TMED3: variants seen among roughly 807,000 people sequenced by gnomAD.
TMED3 encodes the protein transmembrane p24 trafficking protein 3.
In TMED3, 9 loss-of-function variants were observed where a neutral mutation model predicts 15.0. That is an observed-to-expected ratio of 0.60 (90% CI 0.36 to 1.04). TMED3 has a LOEUF of 1.04. Ranked by LOEUF, TMED3 falls within the 50% of genes least tolerant of loss-of-function variation. TMED3 has a pLI of 0.01. For synonymous variants in TMED3, 117 were observed against 121.4 expected (o/e 0.96, Z 0.24); for missense variants, 267 against 278.9 (o/e 0.96, Z 0.30).
chr15:79,324,690 C>G (rs1379797665), downstream of TMED3, among the ~76,000 whole-genome samples: 2 of 152,042 alleles, frequency 1.3e-5, no homozygotes, highest in Non-Finnish European at 2.9e-5. Flanking sequence ...TTCTCAAGTT[C>G]TTTTAGGGGA....
intron 2 of TMED3, among the ~76,000 whole-genome samples, chr15:79,359,659 T>C (rs1226581837): frequency 6.6e-6 from 1 of 152,056 alleles, no homozygotes; most frequent in Non-Finnish European, 1.5e-5. Context: ...TGGTATAGAA[T>C]TTGGGAGTTG....
intron 2 of TMED3, among the ~76,000 whole-genome samples, chr15:79,357,806 C>T (rs2058925476): frequency 6.6e-6 from 1 of 152,104 alleles, no homozygotes; most frequent in African/African-American, 2.4e-5. Flanking sequence ...GACTGAAAAA[C>T]TCACTTCCCT....
At chr15:79,372,643 C>G (rs1430385999) in intron 2 of TMED3, among the ~76,000 whole-genome samples, 1 of 152,178 alleles carries the variant, frequency 6.6e-6, no homozygotes, top group African/African-American at 2.4e-5. Context: ...GACTCATTCA[C>G]TATCAGCAGA....
At chr15:79,320,633 C>G (rs775213423) in intron 2 of TMED3, among the ~76,000 whole-genome samples, 102 of 152,120 alleles carry the variant, frequency 6.7e-4, no homozygotes, top group South Asian at 1.5e-3. Flanking sequence ...TGAGAACTCA[C>G]TGATAGGATA....
At chr15:79,411,181 T>C (rs1893973758) in intron 2 of TMED3, among the ~76,000 whole-genome samples, 1 of 152,288 alleles carries the variant, frequency 6.6e-6, no homozygotes, top group East Asian at 1.9e-4. Context: ...CCTGTTCAAT[T>C]TATCTTGTGG....
downstream of TMED3, among the ~76,000 whole-genome samples, chr15:79,325,116 A>T (rs966548299): frequency 1.3e-5 from 2 of 152,238 alleles, no homozygotes; most frequent in African/African-American, 4.8e-5. Context: ...GGGAAAAGAC[A>T]TAGGACCTCT....
intron 2 of TMED3, among the ~76,000 whole-genome samples, chr15:79,409,094 C>T (rs968815886): frequency 6.6e-6 from 1 of 152,166 alleles, no homozygotes; most frequent in Non-Finnish European, 1.5e-5. Context: ...AGCCTATAAC[C>T]TGCATTACTA....
intron 2 of TMED3, among the ~76,000 whole-genome samples, chr15:79,398,086 T>C (rs558312558): frequency 1.3e-5 from 2 of 152,334 alleles, no homozygotes; most frequent in South Asian, 2.1e-4. Flanking sequence ...TCCGTCATTA[T>C]AGTATCATAC....
chr15:79,393,369 GA>G (rs1204868212), intron 2 of TMED3, among the ~76,000 whole-genome samples: 3 of 152,178 alleles, frequency 2.0e-5, no homozygotes, highest in African/African-American at 7.2e-5. Context: ...TAAATGCCAG[GA>G]GAGGATACAG....
At chr15:79,319,907 G>C (rs2058757800) in intron 2 of TMED3, among the ~76,000 whole-genome samples, 1 of 152,192 alleles carries the variant, frequency 6.6e-6, no homozygotes, top group Non-Finnish European at 1.5e-5. Context: ...ACACAGGATG[G>C]AACATGAAAG....
chr15:79,351,262 A>G (rs1224695723), intron 2 of TMED3, among the ~76,000 whole-genome samples: 2 of 152,332 alleles, frequency 1.3e-5, no homozygotes, highest in South Asian at 2.1e-4. Flanking sequence ...AGGCTGTGCT[A>G]TGAGGATGTT....
chr15:79,342,011 G>A (rs112764042), intron 2 of TMED3, among the ~76,000 whole-genome samples: 6 of 152,122 alleles, frequency 3.9e-5, no homozygotes, highest in African/African-American at 1.4e-4. Flanking sequence ...AAATAAAAAT[G>A]ACACATAAAA....
intron 2 of TMED3, among the ~76,000 whole-genome samples, chr15:79,404,813 A>C (rs1213054960): frequency 3.3e-5 from 5 of 152,330 alleles, no homozygotes; most frequent in Middle Eastern, 3.4e-3. Flanking sequence ...GTCCCTCATG[A>C]CCACCCCTGA....
At chr15:79,356,910 TAAAATA>T (rs2058921508) in intron 2 of TMED3, among the ~76,000 whole-genome samples, 1 of 152,138 alleles carries the variant, frequency 6.6e-6, no homozygotes, top group African/African-American at 2.4e-5. Flanking sequence ...ATGTAGGCAT[TAAAATA>T]AGAGGGACAT....
At chr15:79,327,224 C>T (rs907033370), downstream of TMED3, among the ~76,000 whole-genome samples, 7 of 152,188 alleles carry the variant, frequency 4.6e-5, no homozygotes, top group African/African-American at 1.7e-4. Flanking sequence ...GGGTCCCTAG[C>T]CCCTTCTGCC....
intron 2 of TMED3, among the ~76,000 whole-genome samples, chr15:79,316,916 A>G (rs12440922): frequency 0.97 from 147,300 of 152,282 alleles, 71,441 homozygotes; most frequent in East Asian, 1. Flanking sequence ...AGGCTGAACA[A>G]GTTTGCTTTA....
At chr15:79,373,385 G>T (rs1893375438) in intron 2 of TMED3, among the ~76,000 whole-genome samples, 2 of 152,168 alleles carry the variant, frequency 1.3e-5, no homozygotes, top group Admixed American at 6.5e-5. Flanking sequence ...ACTGCAAAAG[G>T]TTATAAATAT....
intron 2 of TMED3, among the ~76,000 whole-genome samples, chr15:79,377,291 TGTGTGTGA>T (rs879928970): frequency 4.0e-5 from 6 of 150,498 alleles, no homozygotes; most frequent in African/African-American, 1.2e-4. Flanking sequence ...TGTGTGTGTG[TGTGTGTGA>T]GAGAGAGAGA....
intron 2 of TMED3, among the ~76,000 whole-genome samples, chr15:79,375,809 A>T (rs1386071887): frequency 6.6e-6 from 1 of 152,140 alleles, no homozygotes; most frequent in Non-Finnish European, 1.5e-5. Context: ...TCAGCATGAG[A>T]CTTGGGCAGG....
Sources: allele counts gnomAD v4.1 joint callset (sites outside exome capture counted in the v4.1 genomes callset), GRCh38; gene constraint gnomAD v4.1.1; transcripts MANE v1.5; gene names NCBI Gene and HGNC (gene_info 2026-07-23, HGNC 2026-07-21).